MZT1: variants seen among roughly 807,000 people sequenced by gnomAD.
MZT1 encodes mitotic spindle organizing protein 1.
In MZT1, 8 loss-of-function variants were observed where a neutral mutation model predicts 8.5. That is an observed-to-expected ratio of 0.94 (90% confidence interval 0.55 to 1.70). The LOEUF (loss-of-function observed/expected upper bound fraction) is 1.70. Ranked by LOEUF, MZT1 falls within the 40% of genes most tolerant of loss-of-function variation. MZT1 has a pLI of 0.00. For synonymous variants in MZT1, 38 were observed against 42.0 expected, an observed-to-expected ratio of 0.90 and a Z score of 0.37; for missense variants, 93 against 108.6, an observed-to-expected ratio of 0.86 and a Z score of 0.64.
In MZT1 at chr13:72,719,071, T is replaced by G; in HGVS notation, c.106A>C (p.Asn36His). ...AGAGTTTCCATATCTAAGCCAGTAT[T>G]CAAAATTCTTGAAATCTCAAGCAGA... ...DVLLEISRILNTGLDMETLSI... is the reference protein window; with the variant it reads ...DVLLEISRILHTGLDMETLSI... Residue 36 changes from asparagine (N) to histidine (H), a missense_variant, in exon 2 of 3, where the codon AAT becomes CAT. Asn to His is a moderately conservative substitution (Grantham distance 68, BLOSUM62 1). Transcript: ENST00000377818. 1 of 1,522,300 alleles carries G rather than the reference T, an allele frequency of 6.6e-7. No homozygotes were observed. The highest frequency in any genetic ancestry group is 1.7e-4 in the Middle Eastern group (1 of 5,718). The allele number at this position is 1,522,300 out of a possible 1,614,324, so 94.3% of individuals were successfully genotyped here.
chr13:72,719,894 CGGTTCCACTGAATTT>C (rs58899505), intron 1 of MZT1, among the ~76,000 whole-genome samples: 134,247 of 152,158 alleles, frequency 0.88, 61,254 homozygotes, highest in Non-Finnish European at 0.99. Context: ...GTAAGTACAC[CGGTTCCACTGAATTT>C]TGTTTTAAGA....
At chr13:72,725,051 CAA>C (rs767509747) in intron 1 of MZT1, among the ~76,000 whole-genome samples, 154 of 93,862 alleles carry the variant, frequency 1.6e-3, no homozygotes, top group African/African-American at 4.9e-3. Flanking sequence ...GACTCGGTCT[CAA>C]AAAAAAAAAA....
intron 1 of MZT1, among the ~76,000 whole-genome samples, chr13:72,722,376 A>C (rs1053273667): frequency 6.6e-6 from 1 of 152,182 alleles, no homozygotes; most frequent in African/African-American, 2.4e-5. Flanking sequence ...AGTCCTTTGG[A>C]ATGGTGCTTG....
chr13:72,717,401 G>A (rs944832089), intron 2 of MZT1, among the ~76,000 whole-genome samples: 15 of 145,422 alleles, frequency 1.0e-4, no homozygotes, highest in African/African-American at 1.8e-4. Context: ...GTGCAATATC[G>A]CAATCTTGGC....
intron 2 of MZT1, among the ~76,000 whole-genome samples, chr13:72,717,727 T>C (rs1008452865): frequency 1.3e-5 from 2 of 152,206 alleles, no homozygotes; most frequent in Admixed American, 6.5e-5. Flanking sequence ...CTAAAAGTGC[T>C]TTTAACATTT....
At chr13:72,711,016 T>C (rs1441011329) in intron 2 of MZT1, among the ~76,000 whole-genome samples, 1 of 152,186 alleles carries the variant, frequency 6.6e-6, no homozygotes, top group African/African-American at 2.4e-5. Flanking sequence ...CTCCTTTTTA[T>C]AAGACCTACC....
chr13:72,714,725 C>T (rs1241336394), intron 2 of MZT1, among the ~76,000 whole-genome samples: 5 of 152,220 alleles, frequency 3.3e-5, no homozygotes, highest in African/African-American at 1.2e-4. Flanking sequence ...TTCAGAGGAT[C>T]CAAGACATAA....
chr13:72,724,129 G>C (rs975867361), intron 1 of MZT1, among the ~76,000 whole-genome samples: 3 of 152,088 alleles, frequency 2.0e-5, no homozygotes, highest in African/African-American at 7.2e-5. Context: ...GGGGTGAATG[G>C]GTATAAAATA....
At chr13:72,725,501 A>G (rs1441842754) in intron 1 of MZT1, among the ~76,000 whole-genome samples, 1 of 152,138 alleles carries the variant, frequency 6.6e-6, no homozygotes, top group Non-Finnish European at 1.5e-5. Context: ...AGGTTCACAA[A>G]TGCTACCATT....
chr13:72,714,377 GA>G (rs35242932), intron 2 of MZT1, among the ~76,000 whole-genome samples: 1 of 152,208 alleles, frequency 6.6e-6, no homozygotes, highest in African/African-American at 2.4e-5. Context: ...TAAAAGTTTA[GA>G]AAATGTGCAA....
intron 1 of MZT1, among the ~76,000 whole-genome samples, chr13:72,727,225 G>A (rs994968916): frequency 1.3e-5 from 2 of 152,212 alleles, no homozygotes; most frequent in South Asian, 4.1e-4. Flanking sequence ...CGGGCGGGTA[G>A]GGCGGACCTG....
intron 1 of MZT1, among the ~76,000 whole-genome samples, chr13:72,723,371 C>T (rs555463713): frequency 6.6e-6 from 1 of 152,276 alleles, no homozygotes; most frequent in Non-Finnish European, 1.5e-5. Flanking sequence ...AGGTTGAACA[C>T]TCCTAATTCC....
intron 1 of MZT1, among the ~76,000 whole-genome samples, chr13:72,724,539 GT>G (rs201616341): frequency 0.021 from 2,335 of 111,460 alleles, 55 homozygotes; most frequent in African/African-American, 0.067. Context: ...TCTATAACGT[GT>G]TTTTTTTTTT....
chr13:72,710,034 A>G lies in MZT1; in HGVS notation c.*288T>C. ...TGATAGACAGACTGCTTAGAAAATT[A>G]AAGCTATCAGAGCTATAAATAAGGA... On this transcript the variant is annotated 3_prime_UTR_variant, in exon 3 of 3. Transcript: ENST00000377818. 2.6e-6 allele frequency: 1 copy of G among 378,228 alleles called. No individual in the cohort carries two copies. The allele number at this position is 378,228 out of a possible 1,614,324, so 23.4% of individuals were successfully genotyped here. A position where few individuals can be genotyped will look rare whatever the true frequency, so the allele number is the denominator to read the frequency against.
chr13:72,724,723 T>C lies in MZT1; in HGVS notation c.79+2801A>G, dbSNP rs1375383326. 5.6e-3 allele frequency among the ~76,000 whole-genome samples: 167 copies of C among 30,016 alleles called. 26 individuals are homozygous for C. Among genetic ancestry groups the C allele is most frequent in the Non-Finnish European group, 0.025 (147 of 5,916 alleles). The allele number at this position is 30,016 out of a possible 152,430, so 19.7% of individuals were successfully genotyped here. A position where few individuals can be genotyped will look rare whatever the true frequency, so the allele number is the denominator to read the frequency against. ...CTAAATATATATATATATATACATA[T>C]ATATATATATATATATACACATATA... On this transcript the variant is annotated intron_variant, in intron 1 of 2. Transcript: ENST00000377818.
At position 72,724,748 on chromosome 13, in the gene MZT1, A is replaced by ATGTGTGTG. The variant is rs1301203268; in HGVS notation, c.79+2775_79+2776insCACACACA. 2.0e-3 allele frequency among the ~76,000 whole-genome samples: 73 copies of ATGTGTGTG among 37,146 alleles called. 1 individual carries two copies. The highest frequency in any genetic ancestry group is 3.6e-3 in the East Asian group (4 of 1,106). The allele number at this position is 37,146 out of a possible 152,430, so 24.4% of individuals were successfully genotyped here. A position where few individuals can be genotyped will look rare whatever the true frequency, so the allele number is the denominator to read the frequency against. ...TATATATATATATATATACACATAT[A>ATGTGTGTG]TATATGTAAAGTGGTGCTACAGGCC... On this transcript the variant is annotated intron_variant, in intron 1 of 2. Transcript: ENST00000377818.
At chr13:72,716,098 G>A (rs2032532637) in intron 2 of MZT1, among the ~76,000 whole-genome samples, 1 of 151,920 alleles carries the variant, frequency 6.6e-6, no homozygotes. Context: ...TTTATTTTTA[G>A]TAGAGATGGG....
intron 1 of MZT1, among the ~76,000 whole-genome samples, chr13:72,721,903 C>G (rs752108929): frequency 6.6e-5 from 10 of 152,240 alleles, no homozygotes; most frequent in Admixed American, 2.6e-4. Flanking sequence ...TTTACTGATA[C>G]TTTGCTCTTC....
At chr13:72,726,820 G>C (rs535878539) in intron 1 of MZT1, among the ~76,000 whole-genome samples, 10 of 149,946 alleles carry the variant, frequency 6.7e-5, no homozygotes, top group African/African-American at 2.4e-4. Flanking sequence ...GGGGCATAAA[G>C]TGGCAGAACC....
Sources: allele counts gnomAD v4.1 joint callset (sites outside exome capture counted in the v4.1 genomes callset), GRCh38; gene constraint gnomAD v4.1.1; transcripts MANE v1.5; gene names NCBI Gene and HGNC (gene_info 2026-07-23, HGNC 2026-07-21).